Variants in FAM200B observed in about 807,000 individuals in gnomAD.
FAM200B encodes protein FAM200B.
In FAM200B, 32 loss-of-function variants were observed where a neutral mutation model predicts 33.1. The observed-to-expected ratio is 0.97, with a 90% CI of 0.73 to 1.30. The LOEUF is 1.30. Among genes scored for constraint, FAM200B ranks in the 50% most tolerant of loss-of-function variants. FAM200B has a pLI of 0.00. For synonymous variants in FAM200B, 240 were observed against 264.8 expected, an observed-to-expected ratio of 0.91 and a Z score of 0.91; for missense variants, 741 against 754.0, an observed-to-expected ratio of 0.98 and a Z score of 0.20.
At chr4:15,651,071 A>ATTT in the FAM200B span, among the ~76,000 whole-genome samples, 1 of 152,186 alleles carries the variant, frequency 6.6e-6, no homozygotes, top group African/African-American at 2.4e-5. Flanking sequence ...GCATAACAAA[A>ATTT]ACACATATAT....
In FAM200B at chr4:15,687,024, A is replaced by G; in HGVS notation, c.47A>G (p.Tyr16Cys). ...AGAAAGAGGAATAGTGAAGTGAAAT[A>G]TACAGAAGCATGTTCAAGTTCATCT... The part of the protein sequence containing the change: ...IKRKRNSEVK[Y>C]TEACSSSSVE... The change falls in exon 2 of 2, where the codon TAT (tyrosine) becomes TGT (cysteine). Residue 16 changes from tyrosine to cysteine, a missense_variant. By Grantham distance (194) the Tyr-to-Cys change is radical. Transcript: ENST00000422728. The G allele has an allele frequency of 6.6e-7, 1 of 1,504,816 alleles. No individual in the cohort carries two copies. Among genetic ancestry groups the G allele is most frequent in the South Asian group, 1.3e-5 (1 of 78,550 alleles). 93.2% of individuals were successfully genotyped at this position (1,504,816 alleles called of 1,614,324 possible).
At chr4:15,670,585 T>C in the FAM200B span, among the ~76,000 whole-genome samples, 3 of 152,204 alleles carry the variant, frequency 2.0e-5, no homozygotes, top group African/African-American at 2.4e-5. Context: ...GATGCATATA[T>C]AGCCAGTGGT....
At position 15,688,307 on chromosome 4, in the gene FAM200B, TTAAAAC is replaced by T. The variant is rs1190243353; in HGVS notation, c.1333_1338del (p.Lys445_Leu446del). On this transcript the variant is annotated inframe_deletion, in exon 2 of 2. Transcript: ENST00000422728. The stretch of plus-strand genomic sequence containing the variant: ...TTTTAGCATTCTTAATGAACTGAGT[TTAAAAC>T]TACAGGGGAAAAACAGTGATGTATT... The T allele has an allele frequency of 6.5e-7, 1 of 1,549,962 alleles. No homozygotes were observed. Among genetic ancestry groups the T allele is most frequent in the African/African-American group, 1.4e-5 (1 of 72,990 alleles).
At chr4:15,659,836 G>A in the FAM200B span, 4 of 579,010 alleles carry the variant, frequency 6.9e-6, no homozygotes, top group South Asian at 3.0e-4. Context: ...ATGGTTCCAT[G>A]TGTATGGCCT....
At chr4:15,638,651 A>G in the FAM200B span, 1 of 1,609,720 alleles carries the variant, frequency 6.2e-7, no homozygotes, top group Non-Finnish European at 8.5e-7. Flanking sequence ...AATATCCTTA[A>G]GCTCTTCATA....
chr4:15,688,685 A>G lies in FAM200B; in HGVS notation c.1708A>G (p.Thr570Ala), dbSNP rs1719121193. The change falls in exon 2 of 2, where the codon ACA (threonine) becomes GCA (alanine). Residue 570 changes from threonine to alanine, a missense_variant. By Grantham distance (58) the Thr-to-Ala change is moderately conservative. Transcript: ENST00000422728. Reference protein sequence around the residue: ...NELLQLSSSYTLKNDYETLSL... With the variant: ...NELLQLSSSYALKNDYETLSL... ...ATTATTGCAGCTTAGTTCTTCATATACATTGAAGAATGATTATGAAACCTT... is the reference window on the plus strand; with the variant it reads ...ATTATTGCAGCTTAGTTCTTCATATGCATTGAAGAATGATTATGAAACCTT... 20 of 1,550,588 alleles carry G rather than the reference A, an allele frequency of 1.3e-5. No homozygotes were observed. Among genetic ancestry groups the G allele is most frequent in the Non-Finnish European group, 1.7e-5 (20 of 1,146,174 alleles).
chr4:15,644,317 A>T, the FAM200B span, among the ~76,000 whole-genome samples: 3 of 152,336 alleles, frequency 2.0e-5, no homozygotes, highest in Admixed American at 6.5e-5. Context: ...CCACTACTGC[A>T]AACTCCCCAC....
Position 15,689,010 on chromosome 4 carries a change from A to G in FAM200B, c.*59A>G, listed in dbSNP as rs1024934289. On this transcript the variant is annotated 3_prime_UTR_variant, in exon 2 of 2. Transcript: ENST00000422728. ...ATTTCTTATTTTGTAGTATTTTTCT[A>G]TGTTATATTTAAATGGTACTATAAT... The G allele has an allele frequency of 9.4e-6, 12 of 1,274,508 alleles. No individual in the cohort carries two copies. Among genetic ancestry groups the G allele is most frequent in the South Asian group, 4.3e-5 (2 of 47,040 alleles). 78.9% of individuals were successfully genotyped at this position (1,274,508 alleles called of 1,614,324 possible). A position where few individuals can be genotyped will look rare whatever the true frequency, so the allele number is the denominator to read the frequency against.
At chr4:15,678,200 TAA>T (rs1357506506), upstream of FAM200B, among the ~76,000 whole-genome samples, 1 of 152,226 alleles carries the variant, frequency 6.6e-6, no homozygotes, top group Non-Finnish European at 1.5e-5. Flanking sequence ...TCATAGGTGT[TAA>T]GTCTCAAAAC....
the FAM200B span, among the ~76,000 whole-genome samples, chr4:15,647,603 A>G: frequency 6.6e-6 from 1 of 152,222 alleles, no homozygotes; most frequent in Non-Finnish European, 1.5e-5. Flanking sequence ...AGATCTAATA[A>G]CACATTAAGG....
chr4:15,663,124 C>A, the FAM200B span, among the ~76,000 whole-genome samples: 1 of 152,124 alleles, frequency 6.6e-6, no homozygotes, highest in Non-Finnish European at 1.5e-5. Flanking sequence ...TCTTGCCAGT[C>A]TTTTACTGAA....
rs1718931023 is a variant in FAM200B at position 15,687,177 on chromosome 4, A to G, written c.200A>G (p.Tyr67Cys). Residue 67 changes from tyrosine to cysteine, a missense_variant, in exon 2 of 2, where the codon TAC becomes TGC. Physicochemically the swap from Tyr to Cys is radical, Grantham distance 194 (BLOSUM62 -2). Transcript: ENST00000422728. ...KVSARRYNEDYLKYGFIKCEK... is the reference protein window; with the variant it reads ...KVSARRYNEDCLKYGFIKCEK... ...AGTGCAAGACGTTATAATGAAGATT[A>G]CTTAAAATATGGCTTTATCAAATGT... 11 of 1,540,854 alleles carry G rather than the reference A, an allele frequency of 7.1e-6. No individual in the cohort carries two copies. The highest frequency in any genetic ancestry group is 9.6e-6 in the Non-Finnish European group (11 of 1,142,218).
the FAM200B span, among the ~76,000 whole-genome samples, chr4:15,661,364 G>T: frequency 6.6e-6 from 1 of 152,184 alleles, no homozygotes; most frequent in Non-Finnish European, 1.5e-5. Context: ...AGTCTCCAGA[G>T]TATCCTGAGA....
chr4:15,665,449 G>T, the FAM200B span, among the ~76,000 whole-genome samples: 1 of 152,204 alleles, frequency 6.6e-6, no homozygotes, highest in East Asian at 1.9e-4. Flanking sequence ...CTACCTTGCA[G>T]GAATTACCCC....
rs1005505660 is a variant in FAM200B, at chr4:15,690,032, T to C, written c.*1081T>C. 1 of 167,074 alleles carries C rather than the reference T, an allele frequency of 6.0e-6. No homozygotes were observed. Among genetic ancestry groups the C allele is most frequent in the Non-Finnish European group, 1.5e-5 (1 of 68,106 alleles). 10.3% of individuals were successfully genotyped at this position (167,074 alleles called of 1,614,324 possible). ...CAATACACATTTGCTAAAGAATAAA[T>C]GAATCAATAATACCTAACATCTCTA... is the stretch of plus-strand genomic sequence containing the variant. On this transcript the variant is annotated 3_prime_UTR_variant, in exon 2 of 2. Transcript: ENST00000422728.
At chr4:15,656,794 T>G in the FAM200B span, among the ~76,000 whole-genome samples, 1 of 152,102 alleles carries the variant, frequency 6.6e-6, no homozygotes, top group Non-Finnish European at 1.5e-5. Context: ...GAAGCACTTA[T>G]AACAGTACCG....
At chr4:15,642,954 T>A in the FAM200B span, among the ~76,000 whole-genome samples, 2 of 152,336 alleles carry the variant, frequency 1.3e-5, no homozygotes, top group East Asian at 3.9e-4. Flanking sequence ...AATCACTACA[T>A]TCTATCAATT....
At chr4:15,641,790 G>A in the FAM200B span, among the ~76,000 whole-genome samples, 8 of 152,078 alleles carry the variant, frequency 5.3e-5, no homozygotes, top group African/African-American at 9.7e-5. Context: ...ACTTTGGGAC[G>A]CAGAGGCAGG....
chr4:15,682,518 C>A (rs368564025), intron 1 of FAM200B, among the ~76,000 whole-genome samples: 3 of 152,238 alleles, frequency 2.0e-5, no homozygotes, highest in Non-Finnish European at 4.4e-5. Flanking sequence ...ACTCTCCTAA[C>A]CACCTTTATG....
Sources: allele counts gnomAD v4.1 joint callset (sites outside exome capture counted in the v4.1 genomes callset), GRCh38; gene constraint gnomAD v4.1.1; transcripts MANE v1.5; gene names NCBI Gene and HGNC (gene_info 2026-07-23, HGNC 2026-07-21).